Variants in INA observed in about 807,000 individuals in gnomAD.
INA encodes the protein alpha-internexin.
In INA, 35 loss-of-function variants were observed where a neutral mutation model predicts 40.1. That is an observed-to-expected ratio of 0.87 (90% CI 0.67 to 1.16). The LOEUF is 1.16. INA is among the 50% of genes most tolerant of loss of function. The pLI is 0.00. For missense variants in INA, 594 were observed against 686.7 expected (o/e 0.87, Z 1.51); for synonymous variants, 290 against 316.9 (o/e 0.92, Z 0.90).
rs905133773 is a variant in INA, at chr10:103,290,081, C to T, written c.*1412C>T. The stretch of plus-strand genomic sequence containing the variant: ...GCCCAGTCTTTCATGTGTGCCAAGG[C>T]TGATGCAGGATTTGTTCTCTGTCCA... On this transcript the variant is annotated 3_prime_UTR_variant, in exon 3 of 3. Coordinates refer to ENST00000369849, the MANE Select transcript of INA (RefSeq NM_032727.4). 1 of 152,610 alleles carries T rather than the reference C, an allele frequency of 6.6e-6. No homozygotes were observed. 9.5% of individuals were successfully genotyped at this position (152,610 alleles called of 1,614,324 possible). A position where few individuals can be genotyped will look rare whatever the true frequency, so the allele number is the denominator to read the frequency against.
intron 1 of INA, among the ~76,000 whole-genome samples, chr10:103,282,676 T>C (rs1772755398): frequency 6.6e-6 from 1 of 152,220 alleles, no homozygotes; most frequent in South Asian, 2.1e-4. Context: ...GGTGGCATTA[T>C]GTTTAGTGTC....
At chr10:103,284,869 G>A (rs983418739) in intron 1 of INA, among the ~76,000 whole-genome samples, 1 of 152,200 alleles carries the variant, frequency 6.6e-6, no homozygotes, top group South Asian at 2.1e-4. Context: ...GCATGGGCCA[G>A]TAGCTGCTCT....
Position 103,288,519 on chromosome 10 carries a change from G to C in INA, c.1350G>C (p.Glu450Asp). The C allele has an allele frequency of 6.2e-7, 1 of 1,613,594 alleles. No individual in the cohort carries two copies. Among genetic ancestry groups the C allele is most frequent in the Non-Finnish European group, 8.5e-7 (1 of 1,179,746 alleles). Residue 450 changes from glutamate to aspartate, a missense_variant, in exon 3 of 3, where the codon GAG (glutamate) becomes GAC (aspartate). Coordinates refer to ENST00000369849, the MANE Select transcript of INA (RefSeq NM_032727.4). ...CTGGGCTATCACTTAAGAAAGAGGA[G>C]GAGGAGGAGGAGGCATCTAAGGTAG... ...SSTGLSLKKE[E>D]EEEEASKVAS...
chr10:103,279,568 T>C (rs906743907), intron 1 of INA, among the ~76,000 whole-genome samples: 5 of 152,224 alleles, frequency 3.3e-5, no homozygotes, highest in Non-Finnish European at 7.3e-5. Flanking sequence ...TTGAATAGAA[T>C]GACTATAATT....
At chr10:103,280,766 G>A in intron 1 of INA, 1 of 985,370 alleles carries the variant, frequency 1.0e-6, no homozygotes, top group Non-Finnish European at 1.2e-6. Context: ...GAAGAGCTAA[G>A]GCTATTGTCT....
In INA at chr10:103,288,513, A is replaced by AGAG. The variant is rs545805667; in HGVS notation, c.1361_1363dup (p.Glu454dup). 34 of 1,612,866 alleles carry AGAG rather than the reference A, an allele frequency of 2.1e-5. No homozygotes were observed. Among genetic ancestry groups the AGAG allele is most frequent in the African/African-American group, 2.7e-5 (2 of 74,826 alleles). ...CATCCACTGGGCTATCACTTAAGAAAGAGGAGGAGGAGGAGGAGGCATCTA... is the reference window on the plus strand; with the variant it reads ...CATCCACTGGGCTATCACTTAAGAAAGAGGAGGAGGAGGAGGAGGAGGCATCTA... On this transcript the variant is annotated inframe_insertion, in exon 3 of 3. Coordinates refer to ENST00000369849, the MANE Select transcript of INA (RefSeq NM_032727.4).
Position 103,288,843 on chromosome 10 carries a change from T to C in INA, c.*174T>C, listed in dbSNP as rs999680995. 40 of 519,520 alleles carry C rather than the reference T, an allele frequency of 7.7e-5. No homozygotes were observed. The highest frequency in any genetic ancestry group is 1.2e-4 in the Non-Finnish European group (36 of 294,958). 32.2% of individuals were successfully genotyped at this position (519,520 alleles called of 1,614,324 possible). A position where few individuals can be genotyped will look rare whatever the true frequency, so the allele number is the denominator to read the frequency against. Reference sequence around the variant, plus strand: ...TCTAATAAGAAAACCACCCCTTAGATTGAAGTAAACTGCAGTCCTGGAGCA... The same window carrying C: ...TCTAATAAGAAAACCACCCCTTAGACTGAAGTAAACTGCAGTCCTGGAGCA... On this transcript the variant is annotated 3_prime_UTR_variant, in exon 3 of 3. Transcript: ENST00000369849.
intron 1 of INA, 27 bp from the exon 2 acceptor site, chr10:103,287,008 A>G (rs772661495): frequency 6.2e-7 from 1 of 1,609,832 alleles, no homozygotes; most frequent in Admixed American, 1.7e-5. Context: ...GGTTTGGCCT[A>G]ACTATTTTGG....
chr10:103,277,894 G>A lies in INA; in HGVS notation c.683G>A (p.Arg228His). 3 of 1,550,370 alleles carry A rather than the reference G, an allele frequency of 1.9e-6. No individual in the cohort carries two copies. The highest frequency in any genetic ancestry group is 1.2e-5 in the South Asian group (1 of 84,066). ...CTGCTGGACGAGCTGGCCTTCGTACGCCAGGTGCACGACGAGGAGGTAGCC... is the reference window on the plus strand; with the variant it reads ...CTGCTGGACGAGCTGGCCTTCGTACACCAGGTGCACGACGAGGAGGTAGCC... ...ESLLDELAFV[R>H]QVHDEEVAEL... Residue 228 changes from arginine to histidine, a missense_variant, in exon 1 of 3, where the codon CGC becomes CAC. Around this residue, in one of 2 missense-constraint regions of INA, gnomAD observed 379 missense variants for 496.1 expected, o/e 0.76. Transcript: ENST00000369849. This position sits in a 1 kb window ranked among gnomAD's most constrained non-coding sequence, Gnocchi z 5.6.
chr10:103,280,269 G>A (rs770946753), intron 1 of INA: 1 of 985,300 alleles, frequency 1.0e-6, no homozygotes, highest in Non-Finnish European at 1.2e-6. Context: ...CTGCTGATGG[G>A]AGTGGAAGAG....
chr10:103,288,596 A>T lies in INA; in HGVS notation c.1427A>T (p.Glu476Val). The change falls in exon 3 of 3, where the codon GAG (glutamate) becomes GTG (valine). Residue 476 changes from glutamate to valine, a missense_variant. Physicochemically the swap from Glu to Val is moderately radical, Grantham distance 121. Coordinates refer to ENST00000369849, the MANE Select transcript of INA (RefSeq NM_032727.4). Reference protein sequence around the residue: ...IGESFEEILEETVISTKKTEK... With the variant: ...IGESFEEILEVTVISTKKTEK... Reference sequence around the variant, plus strand: ...GAAAGTTTTGAAGAAATATTAGAGGAGACAGTAATATCTACTAAGAAAACC... The same window carrying T: ...GAAAGTTTTGAAGAAATATTAGAGGTGACAGTAATATCTACTAAGAAAACC... 6.2e-7 allele frequency: 1 copy of T among 1,611,670 alleles called. No homozygotes were observed. Among genetic ancestry groups the T allele is most frequent in the Non-Finnish European group, 8.5e-7 (1 of 1,178,512 alleles).
intron 1 of INA, chr10:103,280,149 C>T (rs1312943428): frequency 3.0e-6 from 3 of 985,292 alleles, no homozygotes; most frequent in Non-Finnish European, 3.6e-6. Context: ...GTAGCGTCAT[C>T]CAGACATGGT....
At chr10:103,285,184 ATAT>A (rs2093082713) in intron 1 of INA, among the ~76,000 whole-genome samples, 2 of 151,902 alleles carry the variant, frequency 1.3e-5, no homozygotes, top group African/African-American at 4.8e-5. Context: ...GAGTTTCTCC[ATAT>A]TGGTCTGGCT....
intron 1 of INA, chr10:103,280,858 A>T: frequency 1.0e-6 from 1 of 985,406 alleles, no homozygotes; most frequent in East Asian, 1.1e-4. Flanking sequence ...TGGTGCCTAC[A>T]TAGCCACTTC....
chr10:103,285,838 G>A (rs1182838446), intron 1 of INA, among the ~76,000 whole-genome samples: 2 of 151,624 alleles, frequency 1.3e-5, no homozygotes, highest in African/African-American at 2.4e-5. Context: ...GGCTAGTCTT[G>A]AACTCCTGAT....
At chr10:103,280,834 A>T (rs2093071028) in intron 1 of INA, 1 of 985,330 alleles carries the variant, frequency 1.0e-6, no homozygotes, top group East Asian at 1.1e-4. Context: ...TCCATTTCTG[A>T]CATAGGGCAA....
intron 1 of INA, among the ~76,000 whole-genome samples, chr10:103,285,729 T>C (rs546276166): frequency 6.6e-6 from 1 of 151,662 alleles, no homozygotes; most frequent in East Asian, 1.9e-4. Flanking sequence ...GCGATTCTCC[T>C]GCCTCAGCCT....
Position 103,277,216 on chromosome 10 carries a change from G to A in INA, c.5G>A (p.Ser2Asn), listed in dbSNP as rs199785374. 5.4e-5 allele frequency: 86 copies of A among 1,578,080 alleles called. No homozygotes were observed. The highest frequency in any genetic ancestry group is 1.9e-4 in the Admixed American group (11 of 56,498). Reference protein sequence around the residue: MSFGSEHYLCSS... With the variant: MNFGSEHYLCSS... ...TCCGGCCCCGATCCCGGCACCATGA[G>A]CTTCGGCTCGGAGCACTACCTGTGC... is the stretch of plus-strand genomic sequence containing the variant. The change falls in exon 1 of 3, where the codon AGC (serine) becomes AAC (asparagine). Residue 2 changes from serine (S) to asparagine (N), a missense_variant. Physicochemically the swap from Ser to Asn is conservative, Grantham distance 46 (BLOSUM62 1). Transcript: ENST00000369849. The surrounding 1 kb of genome is among the most constrained non-coding windows in gnomAD (Gnocchi z 5.6).
chr10:103,287,558 A>G (rs900965888), intron 2 of INA, among the ~76,000 whole-genome samples: 1 of 152,020 alleles, frequency 6.6e-6, no homozygotes, highest in Non-Finnish European at 1.5e-5. Flanking sequence ...AACATGGTGA[A>G]ACCCAGTCTC....
Sources: allele counts gnomAD v4.1 joint callset (sites outside exome capture counted in the v4.1 genomes callset), GRCh38; gene constraint gnomAD v4.1.1; regional missense constraint gnomAD v4.1.1; non-coding constraint Gnocchi (gnomAD v3.1); transcripts MANE v1.5; gene names NCBI Gene and HGNC (gene_info 2026-07-23, HGNC 2026-07-21).